CSMD1: variants seen among roughly 807,000 people sequenced by gnomAD.
The protein encoded by CSMD1 is CUB and sushi domain-containing protein 1.
CSMD1 carries 213 observed loss-of-function variants against 417.5 expected under a neutral mutation model. That is an observed-to-expected ratio of 0.51 (90% CI 0.46 to 0.57). The LOEUF is 0.57. Among genes scored for constraint, CSMD1 ranks in the 20% least tolerant of loss-of-function variants. CSMD1 has a pLI of 0.00. For synonymous variants in CSMD1, 2,862 were observed against 1,736.8 expected, an observed-to-expected ratio of 1.65 and a Z score of -16.11; for missense variants, 6,923 against 4,529.7, an observed-to-expected ratio of 1.53 and a Z score of -15.17.
At chr8:2,979,569 C>G (rs1289319613) in intron 54 of CSMD1, among the ~76,000 whole-genome samples, 3 of 152,232 alleles carry the variant, frequency 2.0e-5, no homozygotes, top group African/African-American at 7.2e-5. Flanking sequence ...AGGCCACAGT[C>G]TCTCCAGATA....
At chr8:3,962,632 G>C (rs528496243) in intron 5 of CSMD1, among the ~76,000 whole-genome samples, 2 of 152,176 alleles carry the variant, frequency 1.3e-5, no homozygotes, top group African/African-American at 2.4e-5. Flanking sequence ...CTGAAAAGGA[G>C]AGCATGGACA....
At position 3,694,888 on chromosome 8, in the gene CSMD1, T is replaced by C. The variant is rs149977246; in HGVS notation, c.1009+13526A>G. Among the ~76,000 whole-genome samples, 626 of 152,116 alleles carry C rather than the reference T, an allele frequency of 4.1e-3. 1 individual carries two copies. Among genetic ancestry groups the C allele is most frequent in the Non-Finnish European group, 7.0e-3 (478 of 67,982 alleles). On this transcript the variant is annotated intron_variant, in intron 7 of 69. Transcript: ENST00000635120. ...AGACCATAGAAACCTGCTGGATTCATTCTGGGTGTGAGGGGAAATCGCACA... is the reference window on the plus strand; with the variant it reads ...AGACCATAGAAACCTGCTGGATTCACTCTGGGTGTGAGGGGAAATCGCACA...
At chr8:3,844,510 ACTT>A (rs752355148) in intron 5 of CSMD1, among the ~76,000 whole-genome samples, 1 of 152,168 alleles carries the variant, frequency 6.6e-6, no homozygotes, top group Non-Finnish European at 1.5e-5. Context: ...ACTAACCGTA[ACTT>A]CATCATCTTT....
intron 3 of CSMD1, among the ~76,000 whole-genome samples, chr8:4,212,748 A>ATTTTTTTTTTTTTTT (rs1233118651): frequency 9.8e-5 from 10 of 101,864 alleles, no homozygotes; most frequent in East Asian, 6.7e-4. Flanking sequence ...CAGCGGCCTT[A>ATTTTTTTTTTTTTTT]TTCTTTTTTT....
intron 5 of CSMD1, among the ~76,000 whole-genome samples, chr8:3,800,389 A>C (rs1036355893): frequency 1.3e-5 from 2 of 152,178 alleles, no homozygotes; most frequent in Admixed American, 1.3e-4. Flanking sequence ...TTACACAATG[A>C]ATTTAATGCA....
In CSMD1 at chr8:3,333,137, C is replaced by A. The variant is rs191447669; in HGVS notation, c.3631+10157G>T. Among the ~76,000 whole-genome samples the A allele has an allele frequency of 5.3e-3, 812 of 152,232 alleles. 4 individuals are homozygous for A. The highest frequency in any genetic ancestry group is 6.9e-3 in the Non-Finnish European group (471 of 68,016). On this transcript the variant is annotated intron_variant, in intron 23 of 69. Coordinates refer to ENST00000635120, the MANE Select transcript of CSMD1 (RefSeq NM_033225.6). Reference sequence around the variant, plus strand: ...AGTCTCAGTCTGACCACTGTGACGACCTGAGTTCTGCTGACAGCCTGAAGA... The same window carrying A: ...AGTCTCAGTCTGACCACTGTGACGAACTGAGTTCTGCTGACAGCCTGAAGA...
At chr8:3,540,733 A>G (rs1394767080) in intron 10 of CSMD1, among the ~76,000 whole-genome samples, 2 of 152,242 alleles carry the variant, frequency 1.3e-5, no homozygotes, top group African/African-American at 4.8e-5. Context: ...AGACATGAAC[A>G]GACACTTCTC....
In CSMD1 at chr8:2,974,675, T is replaced by C. The variant is rs370008178; in HGVS notation, c.8567-51A>G. 5 of 1,411,272 alleles carry C rather than the reference T, an allele frequency of 3.5e-6. No homozygotes were observed. In the East Asian group the frequency reaches 7.6e-5, roughly 21 times the overall value. The allele number at this position is 1,411,272 out of a possible 1,614,324, so 87.4% of individuals were successfully genotyped here. A position where few individuals can be genotyped will look rare whatever the true frequency, so the allele number is the denominator to read the frequency against. ...AGTACATCCTTCCAGTTAAACCACT[T>C]TGTATTGGAAAATCTCCCATACAGA... On this transcript the variant is annotated intron_variant, in intron 55 of 69. Coordinates refer to ENST00000635120, the MANE Select transcript of CSMD1 (RefSeq NM_033225.6).
chr8:3,657,796 T>C (rs1419414141), intron 7 of CSMD1, among the ~76,000 whole-genome samples: 1 of 152,126 alleles, frequency 6.6e-6, no homozygotes, highest in African/African-American at 2.4e-5. Context: ...TATAACTATG[T>C]AACAAACATG....
intron 3 of CSMD1, among the ~76,000 whole-genome samples, chr8:4,135,180 G>C (rs140784494): frequency 1.9e-3 from 286 of 152,204 alleles, no homozygotes; most frequent in African/African-American, 6.1e-3. Flanking sequence ...TCATTAGACA[G>C]GCTTCCATTT....
At chr8:3,057,813 C>T (rs1812335704) in intron 49 of CSMD1, among the ~76,000 whole-genome samples, 1 of 152,144 alleles carries the variant, frequency 6.6e-6, no homozygotes, top group Non-Finnish European at 1.5e-5. Flanking sequence ...TTAAATCTAT[C>T]AGATTAGTCT....
At chr8:3,811,678 A>G (rs1037477619) in intron 5 of CSMD1, among the ~76,000 whole-genome samples, 1 of 152,090 alleles carries the variant, frequency 6.6e-6, no homozygotes, top group Non-Finnish European at 1.5e-5. Context: ...ATCAATATTC[A>G]ATACTAGATG....
intron 1 of CSMD1, among the ~76,000 whole-genome samples, chr8:4,639,935 G>T (rs1212802439): frequency 1.3e-5 from 2 of 152,074 alleles, no homozygotes; most frequent in Non-Finnish European, 2.9e-5. Context: ...AAAGCTGTGG[G>T]GTTTTGAAAG....
intron 3 of CSMD1, among the ~76,000 whole-genome samples, chr8:4,083,798 A>C (rs544134475): frequency 6.6e-6 from 1 of 152,236 alleles, no homozygotes; most frequent in East Asian, 1.9e-4. Flanking sequence ...CTTCATGTCT[A>C]TAACACCAAA....
At chr8:3,057,320 C>A (rs753381382) in intron 49 of CSMD1, among the ~76,000 whole-genome samples, 1 of 151,894 alleles carries the variant, frequency 6.6e-6, no homozygotes, top group Admixed American at 6.6e-5. Context: ...CAAATATGCA[C>A]GCAAAACATT....
At chr8:3,559,014 G>T (rs761813716) in intron 10 of CSMD1, among the ~76,000 whole-genome samples, 19 of 152,318 alleles carry the variant, frequency 1.2e-4, no homozygotes, top group South Asian at 6.2e-4. Context: ...TGGTGGTCTG[G>T]TGACCTGTCA....
Position 4,358,492 on chromosome 8 carries a change from T to A in CSMD1, c.415+61461A>T, listed in dbSNP as rs375431239. On this transcript the variant is annotated intron_variant, in intron 3 of 69. Transcript: ENST00000635120. Reference sequence around the variant, plus strand: ...CTGGCTCCTTTCCACAAGGTGTATGTCTCCTTTTGCGATACCAGCAGAGCT... The same window carrying A: ...CTGGCTCCTTTCCACAAGGTGTATGACTCCTTTTGCGATACCAGCAGAGCT... 5.9e-5 allele frequency among the ~76,000 whole-genome samples: 9 copies of A among 152,324 alleles called. No individual in the cohort carries two copies. The East Asian group carries it at 1.5e-3, about 26-fold the overall frequency.
At chr8:4,181,046 T>G (rs1458628766) in intron 3 of CSMD1, among the ~76,000 whole-genome samples, 1 of 152,016 alleles carries the variant, frequency 6.6e-6, no homozygotes, top group African/African-American at 2.4e-5. Flanking sequence ...TGCAAAAAAC[T>G]AAAGAGTCTC....
chr8:4,264,735 G>A (rs1306697864), intron 3 of CSMD1, among the ~76,000 whole-genome samples: 1 of 152,086 alleles, frequency 6.6e-6, no homozygotes, highest in African/African-American at 2.4e-5. Context: ...CAGGGGTAGG[G>A]AACATCCTCA....
Sources: gnomAD v4.1 joint callset for allele counts (sites outside exome capture counted in the v4.1 genomes callset) on GRCh38, gnomAD v4.1.1 for gene constraint, MANE v1.5 for transcripts, NCBI Gene and HGNC (gene_info 2026-07-23, HGNC 2026-07-21) for gene names.